Variants in NHS observed in about 807,000 individuals in gnomAD.
NHS encodes the protein NHS actin remodeling regulator, also known as actin remodeling regulator NHS.
A neutral mutation model predicts 72.5 loss-of-function variants in NHS; 5 were observed. The observed-to-expected ratio is 0.07, with a 90% CI of 0.04 to 0.14. NHS has a LOEUF of 0.14. Ranked by LOEUF, NHS falls within the 10% of genes least tolerant of loss-of-function variation. The pLI, the probability that NHS is intolerant of heterozygous loss-of-function variation, is 1.00. For missense variants in NHS, 1,072 were observed against 1,355.7 expected (o/e 0.79, Z 3.29); for synonymous variants, 464 against 547.7 (o/e 0.85, Z 2.13).
chrX:17,470,476 A>G (rs891268804), intron 1 of NHS, among the ~76,000 whole-genome samples: 2 of 111,727 alleles, frequency 1.8e-5, no homozygotes, highest in African/African-American at 6.5e-5. Context: ...ACTTAAGTTC[A>G]TTTCAAAGCA....
Position 17,732,713 on chromosome X carries a change from C to T in NHS, c.*249C>T. The T allele has an allele frequency of 1.0e-5, 4 of 394,582 alleles. No homozygotes were observed. The South Asian group carries it at 1.5e-4, about 15-fold the overall frequency. The allele number at this position is 394,582 out of a possible 1,213,427, so 32.5% of individuals were successfully genotyped here. On this transcript the variant is annotated 3_prime_UTR_variant, in exon 9 of 9. Coordinates refer to ENST00000676302, the MANE Select transcript of NHS (RefSeq NM_001291867.2). ...TTTAGCATAGTTTGATTTACGCAAT[C>T]TCCTTCCTTGTGAAAATAGAGGATA...
In NHS at chrX:17,728,549, C is replaced by CTGTT. The variant is rs10643465; in HGVS notation, c.4223-75_4223-72dup. 45,447 of 1,059,336 alleles carry CTGTT rather than the reference C, an allele frequency of 0.043. 7,124 individuals are homozygous for CTGTT. The African/African-American group carries it at 0.59, about 14-fold the overall frequency. 87.3% of individuals were successfully genotyped at this position (1,059,336 alleles called of 1,213,427 possible). ...TTAAAAAATGGCAGCAAGGTAATTTCTGTTTGTTTGTTTGTTTGTTTGTTT... is the reference window on the plus strand; with the variant it reads ...TTAAAAAATGGCAGCAAGGTAATTTCTGTTTGTTTGTTTGTTTGTTTGTTTGTTT... On this transcript the variant is annotated intron_variant, in intron 7 of 8. Coordinates refer to ENST00000676302, the MANE Select transcript of NHS (RefSeq NM_001291867.2).
intron 1 of NHS, among the ~76,000 whole-genome samples, chrX:17,573,514 G>C (rs1233055145): frequency 9.2e-6 from 1 of 109,225 alleles, no homozygotes; most frequent in African/African-American, 3.3e-5. Flanking sequence ...CTCGTAATGT[G>C]GTTTTCAGCT....
At chrX:17,614,035 T>C (rs1289288930) in intron 1 of NHS, among the ~76,000 whole-genome samples, 30 of 112,320 alleles carry the variant, frequency 2.7e-4, no homozygotes, top group Non-Finnish European at 1.1e-4. Flanking sequence ...TGGTTTGTTC[T>C]TGTGAGATTA....
At chrX:17,479,529 C>G (rs1876306294) in intron 1 of NHS, among the ~76,000 whole-genome samples, 2 of 112,069 alleles carry the variant, frequency 1.8e-5, no homozygotes, top group South Asian at 3.7e-4. Context: ...AAAAGCATTC[C>G]AATTTCTCCA....
At chrX:17,582,978 G>A (rs975158157) in intron 1 of NHS, among the ~76,000 whole-genome samples, 1 of 111,830 alleles carries the variant, frequency 8.9e-6, no homozygotes, top group Admixed American at 9.4e-5. Context: ...CTCCCACTGG[G>A]ACCATATGCC....
At chrX:17,654,869 A>T (rs2065945170) in intron 1 of NHS, among the ~76,000 whole-genome samples, 1 of 112,690 alleles carries the variant, frequency 8.9e-6, no homozygotes, top group Admixed American at 9.3e-5. Flanking sequence ...TGCCTTCTGC[A>T]TTAGGTCGCT....
At chrX:17,625,897 A>T (rs1032984799) in intron 1 of NHS, among the ~76,000 whole-genome samples, 21 of 112,143 alleles carry the variant, frequency 1.9e-4, no homozygotes, top group Admixed American at 9.4e-5. Context: ...TTTATAGCAC[A>T]TCTGAATTCA....
rs766379688 is a variant in NHS, at chrX:17,728,188, C to T, written c.4082C>T (p.Ser1361Leu). 22 of 1,209,604 alleles carry T rather than the reference C, an allele frequency of 1.8e-5. No homozygotes were observed. Among genetic ancestry groups the T allele is most frequent in the African/African-American group, 1.6e-4 (9 of 57,065 alleles). Residue 1361 changes from serine (S) to leucine (L), a missense_variant, in exon 7 of 9, where the codon TCG (serine) becomes TTG (leucine). Coordinates refer to ENST00000676302, the MANE Select transcript of NHS (RefSeq NM_001291867.2). Reference sequence around the variant, plus strand: ...GTGCCTGGTACTATCAGCTATGAATCGGAGATAACATCTGTAAATTCATTC... The same window carrying T: ...GTGCCTGGTACTATCAGCTATGAATTGGAGATAACATCTGTAAATTCATTC... ...DKVPGTISYE[S>L]EITSVNSFPE...
intron 1 of NHS, among the ~76,000 whole-genome samples, chrX:17,537,981 ACGGGCAGG>A (rs1569275693): frequency 8.9e-6 from 1 of 112,005 alleles, no homozygotes; most frequent in Non-Finnish European, 1.9e-5. Flanking sequence ...AGAGCCAGCC[ACGGGCAGG>A]AGGGCTTCCT....
At chrX:17,518,991 CTA>C (rs1319735152) in intron 1 of NHS, among the ~76,000 whole-genome samples, 2 of 111,896 alleles carry the variant, frequency 1.8e-5, no homozygotes, top group East Asian at 2.8e-4. Context: ...TCATCTGTCT[CTA>C]TGTCATAGGC....
chrX:17,706,712 G>A lies in NHS; in HGVS notation c.853-12632G>A, dbSNP rs141949739. On this transcript the variant is annotated intron_variant, in intron 3 of 8. Coordinates refer to ENST00000676302, the MANE Select transcript of NHS (RefSeq NM_001291867.2). ...ATATAAGGTGATTAAAAGCTGTCAC[G>A]GTATTGAGCACTTTGGCTCCACGCA... 3.6e-4 allele frequency among the ~76,000 whole-genome samples: 40 copies of A among 111,794 alleles called. 1 individual carries two copies. The East Asian group carries it at 0.011, about 30-fold the overall frequency.
At chrX:17,501,808 A>G (rs1430775591) in intron 1 of NHS, among the ~76,000 whole-genome samples, 1 of 112,418 alleles carries the variant, frequency 8.9e-6, no homozygotes, top group Admixed American at 9.4e-5. Context: ...ATGATTTCAG[A>G]TATTCCCTTT....
intron 1 of NHS, among the ~76,000 whole-genome samples, chrX:17,480,258 T>C (rs960953828): frequency 9.0e-6 from 1 of 111,575 alleles, no homozygotes; most frequent in African/African-American, 3.3e-5. Flanking sequence ...TTGACTTTCT[T>C]CACAGAATTA....
At chrX:17,488,471 C>T (rs1311469899) in intron 1 of NHS, among the ~76,000 whole-genome samples, 1 of 110,887 alleles carries the variant, frequency 9.0e-6, no homozygotes, top group Non-Finnish European at 1.9e-5. Context: ...ATGCAATCAC[C>T]ACATCCAGAA....
chrX:17,480,305 A>G (rs1427518396), intron 1 of NHS, among the ~76,000 whole-genome samples: 1 of 112,180 alleles, frequency 8.9e-6, no homozygotes, highest in Admixed American at 9.5e-5. Flanking sequence ...GAACCAAAAA[A>G]AAGAGCCTGT....
intron 3 of NHS, among the ~76,000 whole-genome samples, chrX:17,718,769 AAAG>A (rs994556743): frequency 3.3e-5 from 3 of 91,876 alleles, no homozygotes; most frequent in African/African-American, 1.2e-4. Flanking sequence ...GGAAGAAAGG[AAAG>A]AAGGAAGGAA....
At chrX:17,615,358 TCCTC>T (rs1459320836) in intron 1 of NHS, among the ~76,000 whole-genome samples, 5 of 105,344 alleles carry the variant, frequency 4.7e-5, no homozygotes, top group African/African-American at 1.7e-4. Flanking sequence ...GCTCAAGTGA[TCCTC>T]CCACCTCAGC....
intron 1 of NHS, among the ~76,000 whole-genome samples, chrX:17,594,070 A>G (rs947427417): frequency 8.9e-6 from 1 of 112,235 alleles, no homozygotes; most frequent in African/African-American, 3.2e-5. Flanking sequence ...GGATACAATG[A>G]ACATCTAGTT....
Sources: allele counts gnomAD v4.1 joint callset (sites outside exome capture counted in the v4.1 genomes callset), GRCh38; gene constraint gnomAD v4.1.1; transcripts MANE v1.5; gene names NCBI Gene and HGNC (gene_info 2026-07-23, HGNC 2026-07-21).